The following USH2A variants were observed in gnomAD, a reference collection of about 807,000 sequenced individuals.
USH2A encodes the protein Usher syndrome 2A (autosomal recessive, mild).
A neutral mutation model predicts 538.9 loss-of-function variants in USH2A; 443 were observed. The ratio of observed to expected loss-of-function variants is 0.82; its 90% confidence interval spans 0.76 to 0.89. The LOEUF is 0.89. Among genes scored for constraint, USH2A ranks in the 40% least tolerant of loss-of-function variants. USH2A has a pLI of 0.00. For synonymous variants in USH2A, 2,413 were observed against 2,273.5 expected (o/e 1.06, Z -1.75); for missense variants, 6,633 against 6,324.8 (o/e 1.05, Z -1.65).
intron 48 of USH2A, 124 bp downstream of exon 48, chr1:215,816,873 G>T (rs191992072): frequency 1.9e-6 from 2 of 1,059,166 alleles, no homozygotes; most frequent in Non-Finnish European, 1.4e-6. Flanking sequence ...CTTTTCCGTG[G>T]AGTCTTCTTC....
intron 4 of USH2A, among the ~76,000 whole-genome samples, chr1:216,348,381 C>A (rs1225130695): frequency 6.6e-6 from 1 of 151,926 alleles, no homozygotes; most frequent in Admixed American, 6.6e-5. Context: ...TTACACATGC[C>A]CTGTACAGGG....
At chr1:215,904,224 C>T (rs1043171739) in intron 38 of USH2A, among the ~76,000 whole-genome samples, 2 of 151,938 alleles carry the variant, frequency 1.3e-5, no homozygotes, top group Non-Finnish European at 2.9e-5. Context: ...TTTTAATATG[C>T]ACACAAAACC....
chr1:216,228,957 A>G lies in USH2A; in HGVS notation c.2993+2996T>C, dbSNP rs773417241. Among the ~76,000 whole-genome samples the G allele has an allele frequency of 2.8e-4, 42 of 152,072 alleles. 1 individual carries two copies. Among genetic ancestry groups the G allele is most frequent in the Admixed American group, 1.3e-4 (2 of 15,260 alleles). On this transcript the variant is annotated intron_variant, in intron 14 of 71. Coordinates refer to ENST00000307340, the MANE Select transcript of USH2A (RefSeq NM_206933.4). ...GGGAGGCCGAGGTGGGCGGATCACG[A>G]GTTCAGGAGTCTAAGACCAGCCTGA...
rs953707615 is a variant in USH2A at position 216,196,496 on chromosome 1, T to A, written c.4251+57A>T. ...CACAGAATTCTGCAAACTCAAAAAA[T>A]GTCCAAATGAAGCCCTAAGCCAATT... On this transcript the variant is annotated intron_variant, in intron 19 of 71. Transcript: ENST00000307340. 1.9e-5 allele frequency: 31 copies of A among 1,590,744 alleles called. No individual in the cohort carries two copies. The East Asian group carries it at 6.5e-4, about 33-fold the overall frequency.
chr1:216,327,856 CTG>C (rs2037766621), intron 4 of USH2A, among the ~76,000 whole-genome samples: 1 of 152,152 alleles, frequency 6.6e-6, no homozygotes, highest in South Asian at 2.1e-4. Flanking sequence ...TCCATGGACA[CTG>C]TAGGACTTAA....
At chr1:215,875,083 A>G (rs1339772) in intron 43 of USH2A, among the ~76,000 whole-genome samples, 96,905 of 151,992 alleles carry the variant, frequency 0.64, 31,993 homozygotes, top group African/African-American at 0.8. Context: ...GGCACCATCT[A>G]ACCAAACAAA....
intron 22 of USH2A, among the ~76,000 whole-genome samples, chr1:216,095,880 T>C (rs932745992): frequency 6.6e-6 from 1 of 152,148 alleles, no homozygotes; most frequent in Non-Finnish European, 1.5e-5. Context: ...TAGACGCAAC[T>C]TGGATACAGA....
At chr1:216,367,937 A>G (rs1212518189) in intron 3 of USH2A, among the ~76,000 whole-genome samples, 1 of 152,150 alleles carries the variant, frequency 6.6e-6, no homozygotes, top group Non-Finnish European at 1.5e-5. Context: ...CACCTATCTC[A>G]TTCTCTAGCC....
chr1:216,303,039 T>G (rs540730878), intron 9 of USH2A, among the ~76,000 whole-genome samples: 1 of 152,100 alleles, frequency 6.6e-6, no homozygotes, highest in South Asian at 2.1e-4. Flanking sequence ...CAATACTGCA[T>G]GTTGTTAGGT....
chr1:216,125,409 T>C (rs1207071895), intron 21 of USH2A, among the ~76,000 whole-genome samples: 1 of 152,130 alleles, frequency 6.6e-6, no homozygotes, highest in Non-Finnish European at 1.5e-5. Flanking sequence ...AGACATACAC[T>C]GTTAGTATTT....
intron 61 of USH2A, among the ~76,000 whole-genome samples, chr1:215,680,593 A>G (rs575803108): frequency 3.3e-5 from 5 of 152,056 alleles, no homozygotes; most frequent in African/African-American, 9.6e-5. Flanking sequence ...GATTTCAGAC[A>G]CTCAGAAAGT....
intron 40 of USH2A, among the ~76,000 whole-genome samples, chr1:215,896,548 G>A (rs1194282566): frequency 1.3e-5 from 2 of 151,996 alleles, no homozygotes; most frequent in East Asian, 1.9e-4. Context: ...GCAGGATTTC[G>A]GTAGGCAAAA....
At chr1:215,807,765 T>C (rs1458109740) in intron 49 of USH2A, among the ~76,000 whole-genome samples, 1 of 152,028 alleles carries the variant, frequency 6.6e-6, no homozygotes, top group African/African-American at 2.4e-5. Context: ...TCCCTTTACA[T>C]GATCTGATGA....
At chr1:216,338,313 T>G (rs921174746) in intron 4 of USH2A, among the ~76,000 whole-genome samples, 1 of 151,388 alleles carries the variant, frequency 6.6e-6, no homozygotes, top group Non-Finnish European at 1.5e-5. Flanking sequence ...CACACTACCA[T>G]CAAATTGGAG....
chr1:215,775,013 C>T (rs935940598), intron 55 of USH2A, among the ~76,000 whole-genome samples: 1 of 151,370 alleles, frequency 6.6e-6, no homozygotes, highest in Non-Finnish European at 1.5e-5. Context: ...GTCCCCAGTG[C>T]TTGGTGGTCA....
At position 216,199,610 on chromosome 1, in the gene USH2A, C is replaced by T. The variant is rs746510391; in HGVS notation, c.3811+17G>A. Reference sequence around the variant, plus strand: ...ATGTCTTGACCAAAAAGGGGAATCTCAGCCTTGGATTCTTACCATTTAGTT... The same window carrying T: ...ATGTCTTGACCAAAAAGGGGAATCTTAGCCTTGGATTCTTACCATTTAGTT... On this transcript the variant is annotated intron_variant, in intron 17 of 71. Transcript: ENST00000307340. 1.5e-5 allele frequency: 25 copies of T among 1,613,576 alleles called. No homozygotes were observed. Among genetic ancestry groups the T allele is most frequent in the Non-Finnish European group, 1.9e-5 (22 of 1,179,984 alleles).
At chr1:215,770,556 A>C (rs1418423480) in intron 55 of USH2A, among the ~76,000 whole-genome samples, 1 of 152,134 alleles carries the variant, frequency 6.6e-6, no homozygotes, top group Non-Finnish European at 1.5e-5. Flanking sequence ...GACTCTATAC[A>C]TTATCTAAAT....
At chr1:216,109,261 T>C (rs1296566487) in intron 21 of USH2A, among the ~76,000 whole-genome samples, 1 of 152,208 alleles carries the variant, frequency 6.6e-6, no homozygotes, top group Non-Finnish European at 1.5e-5. Context: ...TGCTTTGGCA[T>C]TTAGACTTTT....
intron 21 of USH2A, among the ~76,000 whole-genome samples, chr1:216,106,057 C>T (rs2032723058): frequency 6.6e-6 from 1 of 150,528 alleles, no homozygotes; most frequent in African/African-American, 2.4e-5. Flanking sequence ...ATATTTATGA[C>T]TTTTATATTA....
Sources: gnomAD v4.1 joint callset for allele counts (sites outside exome capture counted in the v4.1 genomes callset) on GRCh38, gnomAD v4.1.1 for gene constraint, MANE v1.5 for transcripts, NCBI Gene and HGNC (gene_info 2026-07-23, HGNC 2026-07-21) for gene names.